VPS35L: variants seen among roughly 807,000 people sequenced by gnomAD.
VPS35L encodes VPS35 endosomal protein sorting factor like, also known as VPS35 endosomal protein-sorting factor-like.
A neutral mutation model predicts 133.0 loss-of-function variants in VPS35L; 83 were observed. The observed-to-expected ratio is 0.62, with a 90% CI of 0.52 to 0.75. The LOEUF (loss-of-function observed/expected upper bound fraction) is 0.75. VPS35L is among the 30% of genes least tolerant of loss of function. VPS35L has a pLI of 0.00. For synonymous variants in VPS35L, 423 were observed against 449.9 expected (o/e 0.94, Z 0.76); for missense variants, 1,083 against 1,206.8 (o/e 0.90, Z 1.52).
chr16:19,570,890 T>TATATATATATA (rs1971361160), intron 3 of VPS35L, among the ~76,000 whole-genome samples: 26 of 113,708 alleles, frequency 2.3e-4, no homozygotes, highest in Non-Finnish European at 4.0e-4. Context: ...TATATATATA[T>TATATATATATA]TTTTGAGATG....
At chr16:19,669,128 T>G (rs112442393) in intron 26 of VPS35L, 32 bp from the exon 27 acceptor site, 5 of 1,579,802 alleles carry the variant, frequency 3.2e-6, no homozygotes, top group African/African-American at 2.7e-5. Flanking sequence ...CCCAGAGTTC[T>G]AATATACTGA....
chr16:19,682,583 C>T (rs1292696044), intron 28 of VPS35L, among the ~76,000 whole-genome samples, 193 bp downstream of exon 28: 2 of 152,176 alleles, frequency 1.3e-5, no homozygotes, highest in Middle Eastern at 3.2e-3. Context: ...ATTCTTGGGC[C>T]GGGTGCAGTG....
intron 12 of VPS35L, among the ~76,000 whole-genome samples, chr16:19,612,540 C>T (rs1219359430): frequency 6.6e-6 from 1 of 152,184 alleles, no homozygotes; most frequent in South Asian, 2.1e-4. Flanking sequence ...AGGTGTGAGC[C>T]CCCGTGCCCA....
intron 5 of VPS35L, among the ~76,000 whole-genome samples, chr16:19,575,485 G>GA (rs1400675938): frequency 2.6e-5 from 4 of 151,122 alleles, no homozygotes; most frequent in Non-Finnish European, 5.9e-5. Context: ...AGAATCACTT[G>GA]AACCTGAGAG....
At chr16:19,688,330 T>C (rs1975535501) in intron 28 of VPS35L, among the ~76,000 whole-genome samples, 1 of 152,134 alleles carries the variant, frequency 6.6e-6, no homozygotes, top group African/African-American at 2.4e-5. Context: ...CCTTCCTACT[T>C]GTTTCCTCAA....
intron 26 of VPS35L, among the ~76,000 whole-genome samples, chr16:19,661,566 T>C (rs993815253): frequency 1.3e-4 from 20 of 152,278 alleles, no homozygotes; most frequent in African/African-American, 4.6e-4. Flanking sequence ...GAGCACGATA[T>C]GGAGCTTTTT....
rs191822623 is a variant in VPS35L at position 19,616,716 on chromosome 16, G to A, written c.1132G>A (p.Val378Met). The stretch of plus-strand genomic sequence containing the variant: ...TGGGGATACGGTCCAGAACCAGCTG[G>A]TGGTCCAAGGAGTGGAGCTCCCATC... ...IHGDTVQNQL[V>M]VQGVELPSYL... Residue 378 changes from valine (V) to methionine (M), a missense_variant, in exon 14 of 31, where the codon GTG (valine) becomes ATG (methionine). Coordinates refer to ENST00000417362, the MANE Select transcript of VPS35L (RefSeq NM_020314.7). The A allele has an allele frequency of 3.7e-6, 6 of 1,614,056 alleles. No homozygotes were observed. The East Asian group carries it at 1.3e-4, about 36-fold the overall frequency.
At chr16:19,583,070 G>T (rs954940160) in intron 7 of VPS35L, among the ~76,000 whole-genome samples, 2 of 152,080 alleles carry the variant, frequency 1.3e-5, no homozygotes, top group Non-Finnish European at 2.9e-5. Flanking sequence ...TGTTGGGGGG[G>T]TACCCAGTGG....
rs555729144 is a variant in VPS35L, at chr16:19,638,133, C to T, written c.1698+477C>T. ...CCTGCGATGTCTGTTCGAGTTTGTT[C>T]AGTGCCCTGGGCAAGTAGGGAATCT... On this transcript the variant is annotated intron_variant, in intron 20 of 30. Transcript: ENST00000417362. 2.0e-5 allele frequency among the ~76,000 whole-genome samples: 3 copies of T among 152,336 alleles called. No individual in the cohort carries two copies. In the South Asian group the frequency reaches 6.2e-4, roughly 32 times the overall value.
In VPS35L at chr16:19,658,149, C is replaced by T. The variant is rs182206402; in HGVS notation, c.2221+6059C>T. Among the ~76,000 whole-genome samples the T allele has an allele frequency of 1.4e-4, 22 of 152,328 alleles. 1 individual carries two copies. In the East Asian group the frequency reaches 4.0e-3, roughly 28 times the overall value. On this transcript the variant is annotated intron_variant, in intron 26 of 30. Transcript: ENST00000417362. ...ATAGTTAAATTATAACCTGCAGTTT[C>T]TTCCTCCTGTCAGTATTTTCTGGTC...
intron 24 of VPS35L, among the ~76,000 whole-genome samples, chr16:19,649,499 T>C (rs1391471640): frequency 6.6e-6 from 1 of 152,256 alleles, no homozygotes; most frequent in Non-Finnish European, 1.5e-5. Flanking sequence ...ATGATGTGGC[T>C]ATAAGGGATG....
intron 14 of VPS35L, among the ~76,000 whole-genome samples, chr16:19,625,055 T>A (rs527244534): frequency 1.3e-5 from 2 of 149,832 alleles, no homozygotes; most frequent in South Asian, 4.2e-4. Context: ...CCAAAGCCAT[T>A]AACAGTATTC....
rs1424752523 is a variant in VPS35L at position 19,601,770 on chromosome 16, G to C, written c.784+47G>C. On this transcript the variant is annotated intron_variant, in intron 9 of 30. Coordinates refer to ENST00000417362, the MANE Select transcript of VPS35L (RefSeq NM_020314.7). ...GGGTGTCATTCTGCCCTGGAGTCAG[G>C]ACTAGAAGGCTTTTATTGAGTCAGG... 4 of 1,582,662 alleles carry C rather than the reference G, an allele frequency of 2.5e-6. No individual in the cohort carries two copies. The African/African-American group carries it at 5.4e-5, about 21-fold the overall frequency.
chr16:19,696,803 T>C (rs753733226), intron 29 of VPS35L, among the ~76,000 whole-genome samples: 1 of 152,198 alleles, frequency 6.6e-6, no homozygotes, highest in Non-Finnish European at 1.5e-5. Flanking sequence ...CAATTAGGTA[T>C]TGTGCTGCTT....
intron 1 of VPS35L, among the ~76,000 whole-genome samples, chr16:19,557,211 A>G (rs1222209135): frequency 1.3e-5 from 2 of 152,216 alleles, no homozygotes; most frequent in Non-Finnish European, 2.9e-5. Context: ...ATTTGACTTC[A>G]GTGGATTTAT....
chr16:19,630,592 C>T (rs1350170898), intron 18 of VPS35L, among the ~76,000 whole-genome samples: 1 of 152,062 alleles, frequency 6.6e-6, no homozygotes, highest in Non-Finnish European at 1.5e-5. Context: ...CCTCTGCCTC[C>T]CAAAGTGCTG....
intron 24 of VPS35L, 132 bp downstream of exon 24, chr16:19,648,014 C>T (rs1257682790): frequency 6.4e-6 from 5 of 783,976 alleles, no homozygotes; most frequent in Admixed American, 4.5e-5. Context: ...AGTGCAGTGG[C>T]GCAATCATAG....
intron 26 of VPS35L, among the ~76,000 whole-genome samples, chr16:19,657,457 G>A (rs1445931800): frequency 6.6e-6 from 1 of 152,090 alleles, no homozygotes; most frequent in African/African-American, 2.4e-5. Context: ...GTTAGGTCAG[G>A]TCATCCTGTA....
chr16:19,593,863 G>A (rs1567407697), intron 8 of VPS35L, among the ~76,000 whole-genome samples: 1 of 151,308 alleles, frequency 6.6e-6, no homozygotes, highest in Admixed American at 6.6e-5. Flanking sequence ...ATTGCAGTGG[G>A]CCAAGATCAC....
Sources: gnomAD v4.1 joint callset for allele counts (sites outside exome capture counted in the v4.1 genomes callset) on GRCh38, gnomAD v4.1.1 for gene constraint, MANE v1.5 for transcripts, NCBI Gene and HGNC (gene_info 2026-07-23, HGNC 2026-07-21) for gene names.